The following KIF26B variants were observed in gnomAD, a reference collection of about 807,000 sequenced individuals.
KIF26B encodes kinesin family member 26B.
Under a neutral mutation model 151.2 loss-of-function variants are expected in KIF26B, and 63 were observed. The observed-to-expected ratio is 0.42, with a 90% CI of 0.34 to 0.51. The LOEUF (loss-of-function observed/expected upper bound fraction) is 0.51. Among genes scored for constraint, KIF26B ranks in the 20% least tolerant of loss-of-function variants. The probability of loss-of-function intolerance (pLI) is 0.07; values close to 1 mark genes in which losing one functional copy is unlikely to be tolerated. For missense variants in KIF26B, 2,813 were observed against 2,913.6 expected, an observed-to-expected ratio of 0.97 and a Z score of 0.79; for synonymous variants, 1,357 against 1,262.1, an observed-to-expected ratio of 1.08 and a Z score of -1.59.
At chr1:245,700,841 C>G (rs527900191) in intron 14 of KIF26B, among the ~76,000 whole-genome samples, 18 of 152,230 alleles carry the variant, frequency 1.2e-4, no homozygotes, top group Non-Finnish European at 2.5e-4. Context: ...GCACGGGGCG[C>G]TGTGCTTATC....
Position 245,560,395 on chromosome 1 carries a change from CT to C in KIF26B, c.1350+19448del, listed in dbSNP as rs2042934039. Among the ~76,000 whole-genome samples, 1 of 152,104 alleles carries C rather than the reference CT, an allele frequency of 6.6e-6. No homozygotes were observed. The highest frequency in any genetic ancestry group is 6.5e-5 in the Admixed American group (1 of 15,276). On this transcript the variant is annotated intron_variant, in intron 5 of 14. Transcript: ENST00000407071. The surrounding 1 kb of genome is among the most constrained non-coding windows in gnomAD (Gnocchi z 4.3). ...GTGCTGCCTGACAGCTTGCTATTTT[CT>C]TTCTTTCCTGTGAGATAAAAATGTA...
chr1:245,503,309 G>A (rs1660660654), intron 4 of KIF26B, among the ~76,000 whole-genome samples: 1 of 152,052 alleles, frequency 6.6e-6, no homozygotes, highest in Non-Finnish European at 1.5e-5. Flanking sequence ...TATATAACAT[G>A]AATTAAACTG....
intron 2 of KIF26B, among the ~76,000 whole-genome samples, chr1:245,350,798 C>T (rs1353588040): frequency 6.6e-6 from 1 of 152,194 alleles, no homozygotes; most frequent in Non-Finnish European, 1.5e-5. Context: ...TGGTCTGCTG[C>T]TTTGAGACAA....
At chr1:245,391,720 TA>T (rs1247601900) in intron 3 of KIF26B, among the ~76,000 whole-genome samples, 1 of 151,984 alleles carries the variant, frequency 6.6e-6, no homozygotes, top group Non-Finnish European at 1.5e-5. Context: ...CTTTTCTTAC[TA>T]ATTTTTTGTT....
In KIF26B at chr1:245,698,744, G is replaced by T. The variant is rs2044728060; in HGVS notation, c.6028-143G>T. On this transcript the variant is annotated intron_variant, in intron 13 of 14. Coordinates refer to ENST00000407071, the MANE Select transcript of KIF26B (RefSeq NM_018012.4). The surrounding 1 kb of genome is among the most constrained non-coding windows in gnomAD (Gnocchi z 4.0). ...GTGTCTGAATTGAGGTCTGTCAAGG[G>T]AGAATTTGGTGGGGATGACCCATGT... The T allele has an allele frequency of 4.1e-6, 4 of 980,268 alleles. No individual in the cohort carries two copies. Among genetic ancestry groups the T allele is most frequent in the Non-Finnish European group, 6.0e-6 (4 of 671,416 alleles). The allele number at this position is 980,268 out of a possible 1,614,324, so 60.7% of individuals were successfully genotyped here.
chr1:245,453,111 G>T (rs1399168775), intron 4 of KIF26B, among the ~76,000 whole-genome samples: 3 of 152,006 alleles, frequency 2.0e-5, no homozygotes, highest in Non-Finnish European at 4.4e-5. Context: ...TTTGTGTATG[G>T]TGTGAGGTAG....
At chr1:245,308,447 A>G (rs1414938396) in intron 2 of KIF26B, among the ~76,000 whole-genome samples, 1 of 152,222 alleles carries the variant, frequency 6.6e-6, no homozygotes, top group East Asian at 1.9e-4. Flanking sequence ...GCTCGTGAAG[A>G]CACGCTCATA....
At chr1:245,503,112 G>A (rs181043592) in intron 4 of KIF26B, among the ~76,000 whole-genome samples, 14 of 152,050 alleles carry the variant, frequency 9.2e-5, no homozygotes, top group Admixed American at 5.2e-4. Flanking sequence ...TGCCCGCCTC[G>A]GCCTCCCAAA....
At chr1:245,233,067 T>A (rs1041995691) in intron 2 of KIF26B, among the ~76,000 whole-genome samples, 1 of 152,228 alleles carries the variant, frequency 6.6e-6, no homozygotes, top group Non-Finnish European at 1.5e-5. Context: ...CATCTTCATC[T>A]CACTTGTGGA....
At chr1:245,514,114 A>G in intron 4 of KIF26B, among the ~76,000 whole-genome samples, 1 of 152,246 alleles carries the variant, frequency 6.6e-6, no homozygotes. Context: ...ACCATAAAAA[A>G]GTATGTAAGA....
intron 2 of KIF26B, among the ~76,000 whole-genome samples, chr1:245,171,566 A>G (rs1324084221): frequency 6.6e-6 from 1 of 152,214 alleles, no homozygotes; most frequent in Non-Finnish European, 1.5e-5. Context: ...CTTACATGGG[A>G]CAAAAATCAC....
At chr1:245,418,838 C>G (rs1479400177) in intron 3 of KIF26B, among the ~76,000 whole-genome samples, 1 of 152,024 alleles carries the variant, frequency 6.6e-6, no homozygotes, top group Non-Finnish European at 1.5e-5. Flanking sequence ...TTGTTTTGCC[C>G]CAAAGTTTGA....
intron 2 of KIF26B, among the ~76,000 whole-genome samples, chr1:245,355,532 G>A (rs530299820): frequency 2.0e-5 from 3 of 150,782 alleles, no homozygotes; most frequent in Admixed American, 2.0e-4. Context: ...GGAGAGTGAG[G>A]CTGCAGTGAG....
At chr1:245,496,112 A>G (rs971541379) in intron 4 of KIF26B, among the ~76,000 whole-genome samples, 3 of 152,346 alleles carry the variant, frequency 2.0e-5, no homozygotes, top group East Asian at 1.9e-4. Flanking sequence ...AAATGCAGGA[A>G]GGAATGAAAG....
At chr1:245,272,482 C>CT (rs1375333035) in intron 2 of KIF26B, among the ~76,000 whole-genome samples, 4 of 147,618 alleles carry the variant, frequency 2.7e-5, no homozygotes, top group African/African-American at 7.6e-5. Flanking sequence ...TTGGTTGTTT[C>CT]TTTTTTCTAT....
intron 2 of KIF26B, among the ~76,000 whole-genome samples, chr1:245,231,928 C>T (rs905019147): frequency 4.6e-5 from 7 of 152,206 alleles, no homozygotes; most frequent in Admixed American, 6.5e-5. Flanking sequence ...TTTAATCCTA[C>T]GAGAACTCAG....
intron 9 of KIF26B, among the ~76,000 whole-genome samples, chr1:245,622,285 GC>G (rs1216655158): frequency 6.6e-6 from 1 of 152,166 alleles, no homozygotes; most frequent in Non-Finnish European, 1.5e-5. Context: ...AAAGTTCTTT[GC>G]CATAGACGTG....
chr1:245,688,942 G>T, intron 12 of KIF26B, 135 bp downstream of exon 12: 1 of 1,170,820 alleles, frequency 8.5e-7, no homozygotes, highest in Admixed American at 3.1e-5. Flanking sequence ...TGGGCGAACT[G>T]CCCAAACCCC....
Position 245,630,569 on chromosome 1 carries a change from C to A in KIF26B, c.2099-15552C>A, listed in dbSNP as rs577603651. On this transcript the variant is annotated intron_variant, in intron 9 of 14. Coordinates refer to ENST00000407071, the MANE Select transcript of KIF26B (RefSeq NM_018012.4). ...GACACAAGGAGGGGAACAACACACA[C>A]CAGGGCCTGTCAGGGGGTTGAGGGA... Among the ~76,000 whole-genome samples, 3 of 152,152 alleles carry A rather than the reference C, an allele frequency of 2.0e-5. No homozygotes were observed. The Middle Eastern group carries it at 0.01, about 518-fold the overall frequency.
Sources: gnomAD v4.1 joint callset for allele counts (sites outside exome capture counted in the v4.1 genomes callset) on GRCh38, gnomAD v4.1.1 for gene constraint, Gnocchi (gnomAD v3.1) non-coding constraint, MANE v1.5 for transcripts, NCBI Gene and HGNC (gene_info 2026-07-23, HGNC 2026-07-21) for gene names.